The following SGCD variants were observed in gnomAD, a reference collection of about 807,000 sequenced individuals.
SGCD encodes delta-sarcoglycan.
SGCD carries 18 observed loss-of-function variants against 36.6 expected under a neutral mutation model. That is an observed-to-expected ratio of 0.49 (90% CI 0.34 to 0.73). The LOEUF (loss-of-function observed/expected upper bound fraction) is 0.73, where lower values mean the gene tolerates loss of function less well. Ranked by LOEUF, SGCD falls within the 30% of genes least tolerant of loss-of-function variation. The pLI, the probability that SGCD is intolerant of heterozygous loss-of-function variation, is 0.01. For missense variants in SGCD, 387 were observed against 346.7 expected (o/e 1.12, Z -0.92); for synonymous variants, 133 against 130.6 (o/e 1.02, Z -0.12).
intron 1 of SGCD, among the ~76,000 whole-genome samples, chr5:155,984,621 G>T (rs974953459): frequency 3.3e-5 from 5 of 152,108 alleles, no homozygotes; most frequent in African/African-American, 1.2e-4. Context: ...CCAGCATTCC[G>T]GTTTCTCACA....
At chr5:156,307,187 G>A (rs1160401890) in intron 3 of SGCD, among the ~76,000 whole-genome samples, 1 of 151,936 alleles carries the variant, frequency 6.6e-6, no homozygotes, top group African/African-American at 2.4e-5. Context: ...GACTATAAGT[G>A]TGCACCAACA....
the SGCD span, among the ~76,000 whole-genome samples, chr5:155,860,694 G>C: frequency 1.3e-5 from 2 of 152,108 alleles, no homozygotes; most frequent in Non-Finnish European, 2.9e-5. Context: ...TGCGTGCTTC[G>C]TGGGAATCAC....
chr5:156,089,535 T>G (rs886436288), intron 1 of SGCD, among the ~76,000 whole-genome samples: 1 of 152,212 alleles, frequency 6.6e-6, no homozygotes, highest in Non-Finnish European at 1.5e-5. Context: ...TGTAACTCTC[T>G]CAAATTTAGC....
chr5:155,923,439 C>T (rs1756931088), intron 1 of SGCD, among the ~76,000 whole-genome samples: 1 of 152,034 alleles, frequency 6.6e-6, no homozygotes, highest in Non-Finnish European at 1.5e-5. Context: ...ATCTGAACCA[C>T]AAAGACTGAT....
At chr5:156,730,708 A>G (rs1756016321) in intron 7 of SGCD, among the ~76,000 whole-genome samples, 1 of 152,158 alleles carries the variant, frequency 6.6e-6, no homozygotes, top group African/African-American at 2.4e-5. Context: ...TCTTTATAAT[A>G]GAATAATTTA....
chr5:155,877,833 G>A (rs914267396), intron 1 of SGCD, among the ~76,000 whole-genome samples: 4 of 152,082 alleles, frequency 2.6e-5, no homozygotes, highest in Admixed American at 1.3e-4. Context: ...ACTTATCAGA[G>A]CCTTCAATAT....
chr5:155,754,372 G>T, the SGCD span, among the ~76,000 whole-genome samples: 6 of 152,198 alleles, frequency 3.9e-5, no homozygotes, highest in Admixed American at 6.5e-5. Flanking sequence ...TGAGCAGGCA[G>T]GCCATGAATA....
At chr5:156,174,115 C>T (rs530948790) in intron 3 of SGCD, among the ~76,000 whole-genome samples, 1 of 152,278 alleles carries the variant, frequency 6.6e-6, no homozygotes, top group South Asian at 2.1e-4. Context: ...CTGGCTGCCG[C>T]ATTCATGGTA....
chr5:156,519,179 C>T (rs550476203), intron 4 of SGCD, among the ~76,000 whole-genome samples: 4 of 151,870 alleles, frequency 2.6e-5, no homozygotes, highest in Non-Finnish European at 4.4e-5. Context: ...GAAATAGAAA[C>T]AGCCGTCAGA....
At chr5:155,772,556 G>C in the SGCD span, among the ~76,000 whole-genome samples, 1 of 152,126 alleles carries the variant, frequency 6.6e-6, no homozygotes, top group African/African-American at 2.4e-5. Context: ...TAGACCCCCT[G>C]TTATAATGAC....
intron 3 of SGCD, among the ~76,000 whole-genome samples, chr5:156,176,063 A>G (rs1763461779): frequency 6.6e-6 from 1 of 152,046 alleles, no homozygotes; most frequent in Non-Finnish European, 1.5e-5. Context: ...GCGATTTTCA[A>G]AGTTTCTCTT....
At chr5:155,848,174 C>T in the SGCD span, among the ~76,000 whole-genome samples, 2 of 152,098 alleles carry the variant, frequency 1.3e-5, no homozygotes, top group Non-Finnish European at 2.9e-5. Context: ...CATAAATAAA[C>T]ATTCTCAGGA....
At chr5:156,031,215 G>C (rs575415181) in intron 1 of SGCD, among the ~76,000 whole-genome samples, 1 of 152,268 alleles carries the variant, frequency 6.6e-6, no homozygotes, top group Admixed American at 6.5e-5. Flanking sequence ...GATTCAGTTA[G>C]GATCCAAGAA....
chr5:156,583,050 T>C (rs527251008), intron 4 of SGCD, among the ~76,000 whole-genome samples: 1 of 152,316 alleles, frequency 6.6e-6, no homozygotes, highest in Non-Finnish European at 1.5e-5. Context: ...AGAGTCAACA[T>C]GGAAATGCAC....
chr5:156,611,017 C>T lies in SGCD; in HGVS notation c.502+15966C>T, dbSNP rs372347260. 1.9e-3 allele frequency among the ~76,000 whole-genome samples: 288 copies of T among 152,362 alleles called. 2 individuals carry two copies. The highest frequency in any genetic ancestry group is 6.6e-3 in the African/African-American group (275 of 41,594). ...GGTGAGGCGATGCCTCGCCCTGCTT[C>T]GGCTCATGCTCGGTGTGCTGCACCC... is the stretch of plus-strand genomic sequence containing the variant. On this transcript the variant is annotated intron_variant, in intron 6 of 8. Coordinates refer to ENST00000337851, the MANE Select transcript of SGCD (RefSeq NM_000337.6).
chr5:155,785,878 T>C, the SGCD span, among the ~76,000 whole-genome samples: 1 of 152,186 alleles, frequency 6.6e-6, no homozygotes, highest in South Asian at 2.1e-4. Context: ...ACCTGTGTGG[T>C]CCAGATATTA....
chr5:155,730,282 G>T, the SGCD span, among the ~76,000 whole-genome samples: 1 of 152,116 alleles, frequency 6.6e-6, no homozygotes, highest in African/African-American at 2.4e-5. Context: ...CTCCAAAGCA[G>T]CATCTTCCAA....
intron 1 of SGCD, among the ~76,000 whole-genome samples, chr5:155,918,331 G>A (rs1178501373): frequency 1.3e-5 from 2 of 152,206 alleles, no homozygotes; most frequent in Non-Finnish European, 2.9e-5. Context: ...GGGTGGCTGA[G>A]GCGGGCAGAT....
intron 1 of SGCD, among the ~76,000 whole-genome samples, chr5:156,102,882 C>T (rs1761553908): frequency 6.6e-6 from 1 of 152,084 alleles, no homozygotes. Flanking sequence ...ATACACATAA[C>T]ACACACATAT....
Sources: allele counts gnomAD v4.1 joint callset (sites outside exome capture counted in the v4.1 genomes callset), GRCh38; gene constraint gnomAD v4.1.1; transcripts MANE v1.5; gene names NCBI Gene and HGNC (gene_info 2026-07-23, HGNC 2026-07-21).